TRAM1: variants seen among roughly 807,000 people sequenced by gnomAD.
TRAM1 encodes translocating chain-associated membrane protein 1.
Under a neutral mutation model 48.7 loss-of-function variants are expected in TRAM1, and 17 were observed. The observed-to-expected ratio is 0.35, with a 90% confidence interval of 0.24 to 0.52. The LOEUF (loss-of-function observed/expected upper bound fraction) is 0.52, where lower values mean the gene tolerates loss of function less well. TRAM1 is among the 20% of genes least tolerant of loss of function. The pLI, the probability that TRAM1 is intolerant of heterozygous loss-of-function variation, is 0.94. For synonymous variants in TRAM1, 182 were observed against 154.0 expected (o/e 1.18, Z -1.34); for missense variants, 351 against 441.5 (o/e 0.79, Z 1.84).
chr8:70,583,925 A>G (rs1431933194), intron 8 of TRAM1, 132 bp from the exon 9 acceptor site: 2 of 1,035,332 alleles, frequency 1.9e-6, no homozygotes, highest in Non-Finnish European at 2.6e-6. Flanking sequence ...AGGCAGGAGA[A>G]TTGCTTGAAA....
intron 6 of TRAM1, among the ~76,000 whole-genome samples, chr8:70,593,615 C>A (rs1310814964): frequency 2.0e-5 from 3 of 149,742 alleles, no homozygotes; most frequent in African/African-American, 7.4e-5. Flanking sequence ...AAAAAAAACT[C>A]CCAGAAAAAA....
At position 70,600,008 on chromosome 8, in the gene TRAM1, A is replaced by T. The variant is rs747689623; in HGVS notation, c.187+11T>A. 1.9e-6 allele frequency: 3 copies of T among 1,611,166 alleles called. No homozygotes were observed. The African/African-American group carries it at 4.0e-5, about 22-fold the overall frequency. ...TATTTACGTAGAAAATTCTTAGCGTAAATTACCTACCTGTTGCTGGGAGGG... is the reference window on the plus strand; with the variant it reads ...TATTTACGTAGAAAATTCTTAGCGTTAATTACCTACCTGTTGCTGGGAGGG... On this transcript the variant is annotated intron_variant, in intron 2 of 10. Transcript: ENST00000262213.
chr8:70,581,930 A>G (rs1315620860), intron 10 of TRAM1, among the ~76,000 whole-genome samples: 2 of 152,222 alleles, frequency 1.3e-5, no homozygotes, highest in Non-Finnish European at 2.9e-5. Context: ...GACAGAAAAT[A>G]GATTAGAGGG....
chr8:70,579,840 A>T (rs1196244820), intron 10 of TRAM1, among the ~76,000 whole-genome samples: 1 of 152,186 alleles, frequency 6.6e-6, no homozygotes, highest in Non-Finnish European at 1.5e-5. Context: ...AGCTAGTGTA[A>T]TACAGGAAGA....
chr8:70,589,928 A>T (rs1216465175), intron 6 of TRAM1, among the ~76,000 whole-genome samples: 2 of 152,208 alleles, frequency 1.3e-5, no homozygotes, highest in Non-Finnish European at 1.5e-5. Flanking sequence ...AGTATGAATT[A>T]GTAGTATGTG....
At chr8:70,599,895 C>A in intron 2 of TRAM1, 124 bp downstream of exon 2, 1 of 717,544 alleles carries the variant, frequency 1.4e-6, no homozygotes, top group South Asian at 1.6e-5. Context: ...CAATAACATT[C>A]AGTCACATCA....
rs769727275 is a variant in TRAM1, at chr8:70,583,238, T to G, written c.977A>C (p.His326Pro). Residue 326 changes from histidine to proline, a missense_variant, in exon 10 of 11, where the codon CAT becomes CCT. Coordinates refer to ENST00000262213, the MANE Select transcript of TRAM1 (RefSeq NM_014294.6). ...INFQLRRWRE[H>P]SAFQAPAVKK... The stretch of plus-strand genomic sequence containing the variant: ...CACAGCTGGTGCCTGAAAAGCAGAA[T>G]GTTCCCTCCACCTTCGAAGCTGAAA... 1.9e-5 allele frequency: 31 copies of G among 1,613,948 alleles called. No homozygotes were observed. The highest frequency in any genetic ancestry group is 2.6e-5 in the Non-Finnish European group (31 of 1,180,010).
At chr8:70,597,728 A>G (rs1187185541) in intron 4 of TRAM1, among the ~76,000 whole-genome samples, 167 bp downstream of exon 4, 3 of 151,730 alleles carry the variant, frequency 2.0e-5, no homozygotes, top group Non-Finnish European at 2.9e-5. Flanking sequence ...GTGACTAAAA[A>G]TGAATAAGCC....
intron 1 of TRAM1, among the ~76,000 whole-genome samples, chr8:70,606,707 T>C (rs1015643731): frequency 6.9e-6 from 1 of 145,388 alleles, no homozygotes; most frequent in African/African-American, 2.4e-5. Context: ...ACCTGCTACC[T>C]CCTTAGCAGT....
intron 10 of TRAM1, 72 bp downstream of exon 10, chr8:70,583,092 A>G (rs1817115393): frequency 6.6e-7 from 1 of 1,515,498 alleles, no homozygotes; most frequent in African/African-American, 1.4e-5. Flanking sequence ...AAACTAATAA[A>G]TAAGATCCAA....
chr8:70,601,413 A>C (rs903078539), intron 1 of TRAM1, among the ~76,000 whole-genome samples: 1 of 152,202 alleles, frequency 6.6e-6, no homozygotes, highest in Non-Finnish European at 1.5e-5. Context: ...GTCTTCCTAG[A>C]GTAGGTCATT....
At chr8:70,607,868 G>T (rs1338345542) in intron 1 of TRAM1, 3 of 492,710 alleles carry the variant, frequency 6.1e-6, no homozygotes, top group Non-Finnish European at 9.6e-6. Context: ...GAGGCCCACC[G>T]GGACTTTGCA....
Position 70,573,649 on chromosome 8 carries a change from T to C in TRAM1, c.*1283A>G, listed in dbSNP as rs1210089082. On this transcript the variant is annotated 3_prime_UTR_variant, in exon 11 of 11. Coordinates refer to ENST00000262213, the MANE Select transcript of TRAM1 (RefSeq NM_014294.6). ...ACTTAAACTGCAGATCTAATAGGTC[T>C]GCAACTTTTACACTAAAAATGGCAC... 6.6e-6 allele frequency: 1 copy of C among 152,622 alleles called. No homozygotes were observed. Among genetic ancestry groups the C allele is most frequent in the African/African-American group, 2.4e-5 (1 of 41,444 alleles). The allele number at this position is 152,622 out of a possible 1,614,324, so 9.5% of individuals were successfully genotyped here. A position where few individuals can be genotyped will look rare whatever the true frequency, so the allele number is the denominator to read the frequency against.
chr8:70,592,911 C>T (rs11996416), intron 6 of TRAM1, among the ~76,000 whole-genome samples: 17,363 of 152,040 alleles, frequency 0.11, 1,162 homozygotes, highest in African/African-American at 0.18. Context: ...AAGTCAATTT[C>T]GTTTTTGTTT....
At position 70,573,736 on chromosome 8, in the gene TRAM1, T is replaced by A. The variant is rs2132018242; in HGVS notation, c.*1196A>T. ...GATGTGAACACTGAAAAGAACAATA[T>A]ATATACTGTAAATATGATGAATAAA... On this transcript the variant is annotated 3_prime_UTR_variant, in exon 11 of 11. Transcript: ENST00000262213. 1 of 152,622 alleles carries A rather than the reference T, an allele frequency of 6.6e-6. No homozygotes were observed. Among genetic ancestry groups the A allele is most frequent in the East Asian group, 1.9e-4 (1 of 5,190 alleles). The allele number at this position is 152,622 out of a possible 1,614,324, so 9.5% of individuals were successfully genotyped here.
intron 10 of TRAM1, among the ~76,000 whole-genome samples, chr8:70,579,832 C>T (rs1352929932): frequency 1.3e-5 from 2 of 152,002 alleles, no homozygotes; most frequent in African/African-American, 4.8e-5. Context: ...TTAGTCCTAG[C>T]TAGTGTAATA....
intron 4 of TRAM1, among the ~76,000 whole-genome samples, chr8:70,597,668 CAAAAAAA>C (rs35449323): frequency 2.8e-5 from 1 of 35,986 alleles, no homozygotes; most frequent in East Asian, 1.0e-3. Context: ...GACTCTGTCT[CAAAAAAA>C]AAAAAAAAAA....
chr8:70,605,742 T>C (rs1383547298), intron 1 of TRAM1, among the ~76,000 whole-genome samples: 1 of 152,170 alleles, frequency 6.6e-6, no homozygotes, highest in African/African-American at 2.4e-5. Flanking sequence ...AAACTTCACT[T>C]TTGTGTATCA....
At chr8:70,602,661 G>A (rs1817628791) in intron 1 of TRAM1, among the ~76,000 whole-genome samples, 1 of 152,174 alleles carries the variant, frequency 6.6e-6, no homozygotes, top group Non-Finnish European at 1.5e-5. Flanking sequence ...GTTCCCATAG[G>A]GAAAGGAGAT....
Sources: allele counts gnomAD v4.1 joint callset (sites outside exome capture counted in the v4.1 genomes callset), GRCh38; gene constraint gnomAD v4.1.1; transcripts MANE v1.5; gene names NCBI Gene and HGNC (gene_info 2026-07-23, HGNC 2026-07-21).